Variants in STK26 observed in about 807,000 individuals in gnomAD.
STK26 encodes the protein serine/threonine kinase 26, also known as serine/threonine-protein kinase 26.
STK26 carries 14 observed loss-of-function variants against 34.7 expected under a neutral mutation model. The ratio of observed to expected loss-of-function variants is 0.40; its 90% CI spans 0.27 to 0.63. The LOEUF is 0.63. Among genes scored for constraint, STK26 ranks in the 30% least tolerant of loss-of-function variants. The probability of loss-of-function intolerance (pLI) is 0.38; values close to 1 mark genes in which losing one functional copy is unlikely to be tolerated. For synonymous variants in STK26, 100 were observed against 109.8 expected, an observed-to-expected ratio of 0.91 and a Z score of 0.56; for missense variants, 226 against 309.1, an observed-to-expected ratio of 0.73 and a Z score of 2.02.
chrX:132,064,748 C>T (rs934060629), intron 4 of STK26, among the ~76,000 whole-genome samples: 16 of 110,948 alleles, frequency 1.4e-4, no homozygotes, highest in African/African-American at 4.9e-4. Flanking sequence ...TTTTTATTTG[C>T]GTGTTTCTGC....
chrX:132,025,471 T>C (rs1002039681), intron 2 of STK26, among the ~76,000 whole-genome samples: 4 of 111,823 alleles, frequency 3.6e-5, no homozygotes, highest in Non-Finnish European at 7.5e-5. Flanking sequence ...CTTTTAATTA[T>C]CTGAGTTGCC....
chrX:132,039,982 C>T (rs773517267), intron 2 of STK26, among the ~76,000 whole-genome samples: 2 of 111,885 alleles, frequency 1.8e-5, no homozygotes, highest in African/African-American at 6.5e-5. Context: ...ATTCTAGATG[C>T]ACCGGAGAGC....
Position 132,074,164 on chromosome X carries a change from C to G in STK26, c.*5C>G. 8.3e-7 allele frequency: 1 copy of G among 1,203,628 alleles called. No individual in the cohort carries two copies. The highest frequency in any genetic ancestry group is 3.0e-5 in the East Asian group (1 of 33,606). ...TCAGCAGACGAATCCCCCTAAGAAA[C>G]TTATTATTGGCTTCTGTTTCATATG... On this transcript the variant is annotated 3_prime_UTR_variant, in exon 12 of 12. Transcript: ENST00000394334.
Position 132,072,983 on chromosome X carries a change from T to C in STK26, c.1116T>C (p.Ala372=), listed in dbSNP as rs1025126994. The C allele has an allele frequency of 1.7e-6, 2 of 1,209,376 alleles. No homozygotes were observed. Among genetic ancestry groups the C allele is most frequent in the Non-Finnish European group, 2.2e-6 (2 of 894,720 alleles). ...AELKQQDENN[A]SRNQAIEELE... is the part of the protein sequence containing the mutation. ...TTAAACAGCAGGACGAGAATAACGC[T>C]AGCAGGAATCAGGCGATTGAAGAAC... The change falls in exon 11 of 12, where the codon GCT becomes GCC. Residue 372 remains alanine, a synonymous_variant. Transcript: ENST00000394334.
At chrX:132,040,288 G>A (rs1353147566) in intron 2 of STK26, among the ~76,000 whole-genome samples, 1 of 112,299 alleles carries the variant, frequency 8.9e-6, no homozygotes, top group African/African-American at 3.2e-5. Context: ...GCATTTTATA[G>A]TACTTTCACT....
intron 8 of STK26, among the ~76,000 whole-genome samples, chrX:132,071,431 A>G (rs1927412318): frequency 8.9e-6 from 1 of 112,015 alleles, no homozygotes; most frequent in African/African-American, 3.2e-5. Context: ...CTAGTTTTAA[A>G]TGGTCTTGGT....
Position 132,068,198 on chromosome X carries a change from G to T in STK26, c.331-17G>T. Reference sequence around the variant, plus strand: ...TTTACACATATGTGTATGTGTGTGTGTGTTTTTCCCCTTAAGCTTCGAGCT... The same window carrying T: ...TTTACACATATGTGTATGTGTGTGTTTGTTTTTCCCCTTAAGCTTCGAGCT... On this transcript the variant is annotated splice_polypyrimidine_tract_variant and intron_variant, in intron 4 of 11. Coordinates refer to ENST00000394334, the MANE Select transcript of STK26 (RefSeq NM_016542.4). 1.7e-6 allele frequency: 2 copies of T among 1,152,374 alleles called. No individual in the cohort carries two copies. Among genetic ancestry groups the T allele is most frequent in the Non-Finnish European group, 2.3e-6 (2 of 855,478 alleles). The allele number at this position is 1,152,374 out of a possible 1,213,427, so 95.0% of individuals were successfully genotyped here. A position where few individuals can be genotyped will look rare whatever the true frequency, so the allele number is the denominator to read the frequency against.
chrX:132,048,350 G>T (rs1926570698), intron 2 of STK26, among the ~76,000 whole-genome samples: 1 of 111,393 alleles, frequency 9.0e-6, no homozygotes, highest in Non-Finnish European at 1.9e-5. Flanking sequence ...TAAGCATTGG[G>T]ATAGTACAGA....
intron 4 of STK26, among the ~76,000 whole-genome samples, chrX:132,065,390 G>C (rs770165021): frequency 5.0e-4 from 56 of 111,212 alleles, no homozygotes; most frequent in African/African-American, 1.8e-3. Flanking sequence ...GGTTCCTCAG[G>C]GTGCTCACCA....
chrX:132,062,859 A>G (rs1343928868), intron 3 of STK26, among the ~76,000 whole-genome samples: 1 of 112,176 alleles, frequency 8.9e-6, no homozygotes, highest in Admixed American at 9.5e-5. Flanking sequence ...CGGGTAGTCT[A>G]AGCTCAGAAT....
At chrX:132,063,091 C>T (rs939737616) in intron 3 of STK26, among the ~76,000 whole-genome samples, 49 of 110,769 alleles carry the variant, frequency 4.4e-4, no homozygotes, top group African/African-American at 1.5e-3. Flanking sequence ...ACAAACAGTC[C>T]GGTAATACTT....
chrX:132,039,031 C>CA (rs978801386), intron 2 of STK26, among the ~76,000 whole-genome samples: 1 of 110,626 alleles, frequency 9.0e-6, no homozygotes, highest in Non-Finnish European at 1.9e-5. Context: ...AACAAACAAA[C>CA]AAAAAAACAC....
Position 132,038,172 on chromosome X carries a change from A to G in STK26, c.42+14513A>G, listed in dbSNP as rs180856098. Among the ~76,000 whole-genome samples, 166 of 111,353 alleles carry G rather than the reference A, an allele frequency of 1.5e-3. 2 individuals carry two copies. Among genetic ancestry groups the G allele is most frequent in the Admixed American group, 3.0e-3 (31 of 10,459 alleles). Reference sequence around the variant, plus strand: ...GGAAAAGGTGTTGGACTCTGGAAGAACAGAAAAACAGTATTTCCAAGGAAG... The same window carrying G: ...GGAAAAGGTGTTGGACTCTGGAAGAGCAGAAAAACAGTATTTCCAAGGAAG... On this transcript the variant is annotated intron_variant, in intron 2 of 11. Transcript: ENST00000394334.
At chrX:132,029,779 G>T (rs1292561724) in intron 2 of STK26, among the ~76,000 whole-genome samples, 1 of 110,985 alleles carries the variant, frequency 9.0e-6, no homozygotes, top group Non-Finnish European at 1.9e-5. Context: ...GAATGTCCCA[G>T]GCTATAGAAA....
At chrX:132,041,913 A>G (rs934232546) in intron 2 of STK26, among the ~76,000 whole-genome samples, 4 of 112,144 alleles carry the variant, frequency 3.6e-5, no homozygotes, top group Non-Finnish European at 7.5e-5. Flanking sequence ...AAATTAACTT[A>G]GTCATATCTG....
In STK26 at chrX:132,063,469, G is replaced by A. The variant is rs1927123389; in HGVS notation, c.310G>A (p.Gly104Ser). 2.5e-6 allele frequency: 3 copies of A among 1,208,102 alleles called. No homozygotes were observed. The highest frequency in any genetic ancestry group is 2.2e-6 in the Non-Finnish European group (2 of 893,044). The part of the protein sequence containing the change: ...KLWIIMEYLG[G>S]GSALDLLRAG... The stretch of plus-strand genomic sequence containing the variant: ...ATGGATAATAATGGAATACCTGGGC[G>A]GTGGTTCAGCACTGGATCTTGTAAG... The change falls in exon 4 of 12, where the codon GGT (glycine) becomes AGT (serine). Residue 104 changes from glycine to serine, a missense_variant. Physicochemically the swap from Gly to Ser is moderately conservative, Grantham distance 56 (BLOSUM62 0). Around this residue, in one of 2 missense-constraint regions of STK26, gnomAD observed 100 missense variants for 176.7 expected, o/e 0.57. Coordinates refer to ENST00000394334, the MANE Select transcript of STK26 (RefSeq NM_016542.4).
chrX:132,071,265 T>C (rs1299573807), intron 8 of STK26, 48 bp downstream of exon 8: 3 of 1,149,437 alleles, frequency 2.6e-6, no homozygotes, highest in Non-Finnish European at 3.5e-6. Flanking sequence ...ATTTAAATAT[T>C]GTATATCTTT....
intron 2 of STK26, among the ~76,000 whole-genome samples, chrX:132,033,858 C>A (rs1223643049): frequency 9.0e-6 from 1 of 110,513 alleles, no homozygotes; most frequent in Non-Finnish European, 1.9e-5. Flanking sequence ...TCTAACAATG[C>A]AGAACAGTAG....
At chrX:132,062,876 T>A (rs1243780684) in intron 3 of STK26, among the ~76,000 whole-genome samples, 1 of 112,092 alleles carries the variant, frequency 8.9e-6, no homozygotes, top group Non-Finnish European at 1.9e-5. Context: ...GAATTTTAAT[T>A]TGGAATGTTC....
Sources: allele counts gnomAD v4.1 joint callset (sites outside exome capture counted in the v4.1 genomes callset), GRCh38; gene constraint gnomAD v4.1.1; regional missense constraint gnomAD v4.1.1; transcripts MANE v1.5; gene names NCBI Gene and HGNC (gene_info 2026-07-23, HGNC 2026-07-21).